Variants in SAMM50 observed in about 807,000 individuals in gnomAD.
SAMM50 encodes the protein SAMM50 sorting and assembly machinery component, also known as sorting and assembly machinery component 50 homolog.
A neutral mutation model predicts 66.9 loss-of-function variants in SAMM50; 47 were observed. That is an observed-to-expected ratio of 0.70 (90% CI 0.56 to 0.90). The LOEUF (loss-of-function observed/expected upper bound fraction) is 0.90. Among genes scored for constraint, SAMM50 ranks in the 40% least tolerant of loss-of-function variants. The probability of loss-of-function intolerance (pLI) is 0.00; values close to 1 mark genes in which losing one functional copy is unlikely to be tolerated. For synonymous variants in SAMM50, 191 were observed against 214.1 expected (o/e 0.89, Z 0.94); for missense variants, 535 against 595.3 (o/e 0.90, Z 1.05).
intron 12 of SAMM50, among the ~76,000 whole-genome samples, chr22:43,985,579 AGTTT>A (rs1446208696): frequency 2.6e-5 from 4 of 152,008 alleles, no homozygotes; most frequent in African/African-American, 7.3e-5. Flanking sequence ...GAAGTACCAC[AGTTT>A]GTTTGTCCAT....
intron 13 of SAMM50, 39 bp from the exon 14 acceptor site, chr22:43,990,226 C>T (rs1569036243): frequency 1.1e-5 from 18 of 1,610,368 alleles, no homozygotes; most frequent in Middle Eastern, 1.7e-4. Flanking sequence ...CTTGGAAGGA[C>T]GGGCACGCAC....
At position 43,989,212 on chromosome 22, in the gene SAMM50, A is replaced by G. The variant is rs1399023431; in HGVS notation, c.1177A>G (p.Thr393Ala). 6.2e-7 allele frequency: 1 copy of G among 1,614,204 alleles called. No individual in the cohort carries two copies. The highest frequency in any genetic ancestry group is 8.5e-7 in the Non-Finnish European group (1 of 1,180,028). The change falls in exon 13 of 15, where the codon ACA (threonine) becomes GCA (alanine). Residue 393 changes from threonine (T) to alanine (A), a missense_variant. Coordinates refer to ENST00000350028, the MANE Select transcript of SAMM50 (RefSeq NM_015380.5). ...GGGTGGCTTTGGAGAACTTTTCCGAACACACTTCTTTCTCAACGCAGGAAA... is the reference window on the plus strand; with the variant it reads ...GGGTGGCTTTGGAGAACTTTTCCGAGCACACTTCTTTCTCAACGCAGGAAA... ...GQGGFGELFR[T>A]HFFLNAGNLC...
intron 11 of SAMM50, 60 bp downstream of exon 11, chr22:43,981,521 GT>G: frequency 1.7e-6 from 2 of 1,202,916 alleles, no homozygotes; most frequent in South Asian, 1.2e-5. Context: ...CTTTTCAGTT[GT>G]TTTTTATAAG....
chr22:43,969,712 A>G (rs997073339), intron 4 of SAMM50, among the ~76,000 whole-genome samples: 1 of 152,174 alleles, frequency 6.6e-6, no homozygotes, highest in African/African-American at 2.4e-5. Flanking sequence ...GGGGTGAAGA[A>G]TGTTCTGGGG....
Position 43,964,571 on chromosome 22 carries a change from A to G in SAMM50, c.234+18A>G. On this transcript the variant is annotated intron_variant, in intron 3 of 14. Transcript: ENST00000350028. ...TAATTGAGGTAGGTGTGGTCTCTAC[A>G]TGGTGTGCTTTCCCAGTCTCTTCTG... is the stretch of plus-strand genomic sequence containing the variant. The G allele has an allele frequency of 2.3e-6, 3 of 1,332,494 alleles. No homozygotes were observed. The highest frequency in any genetic ancestry group is 3.2e-6 in the Non-Finnish European group (3 of 925,038). 82.5% of individuals were successfully genotyped at this position (1,332,494 alleles called of 1,614,324 possible).
rs920080976 is a variant in SAMM50, at chr22:43,983,372, G to A, written c.1008-561G>A. ...TTTATGTAATTAATTTTTAATTCACGCTTTTCATATTATTCAGATATGGTT... is the reference window on the plus strand; with the variant it reads ...TTTATGTAATTAATTTTTAATTCACACTTTTCATATTATTCAGATATGGTT... On this transcript the variant is annotated intron_variant, in intron 11 of 14. Transcript: ENST00000350028. The surrounding 1 kb of genome is among the most constrained non-coding windows in gnomAD (Gnocchi z 4.2). Among the ~76,000 whole-genome samples, 7 of 152,098 alleles carry A rather than the reference G, an allele frequency of 4.6e-5. No individual in the cohort carries two copies. Among genetic ancestry groups the A allele is most frequent in the African/African-American group, 1.4e-4 (6 of 41,402 alleles).
intron 1 of SAMM50, among the ~76,000 whole-genome samples, chr22:43,957,795 T>G (rs2050127682): frequency 2.0e-5 from 3 of 149,670 alleles, no homozygotes; most frequent in Admixed American, 2.0e-4. Flanking sequence ...AGTCTTGCTC[T>G]GTGCCCAGGC....
chr22:43,968,738 G>A lies in SAMM50; in HGVS notation c.242G>A (p.Arg81Gln), dbSNP rs1034386294. The change falls in exon 4 of 15, where the codon CGG (arginine) becomes CAG (glutamine). Residue 81 changes from arginine (R) to glutamine (Q), a missense_variant. Physicochemically the swap from Arg to Gln is conservative, Grantham distance 43. Coordinates refer to ENST00000350028, the MANE Select transcript of SAMM50 (RefSeq NM_015380.5). The stretch of plus-strand genomic sequence containing the variant: ...TCTTCCCCCATTTTATAGGTAATGC[G>A]GAAATCTCATGAAGCCCGTGAAAAA... ...FKAKNLIEVM[R>Q]KSHEAREKLL... 1.9e-6 allele frequency: 3 copies of A among 1,610,432 alleles called. No individual in the cohort carries two copies. Among genetic ancestry groups the A allele is most frequent in the Non-Finnish European group, 2.5e-6 (3 of 1,176,724 alleles).
At chr22:43,981,592 T>C (rs550591273) in intron 11 of SAMM50, 131 bp downstream of exon 11, 1 of 621,530 alleles carries the variant, frequency 1.6e-6, no homozygotes, top group East Asian at 3.1e-5. Context: ...TTAGTATTTA[T>C]GTTTAAGCTA....
chr22:43,958,213 G>A (rs139564113), intron 1 of SAMM50, among the ~76,000 whole-genome samples: 7 of 152,254 alleles, frequency 4.6e-5, no homozygotes, highest in Non-Finnish European at 7.3e-5. Flanking sequence ...GATGGGCTTC[G>A]CCTTTCCGTG....
Position 43,990,309 on chromosome 22 carries a change from C to T in SAMM50, c.1267C>T (p.Arg423Cys), listed in dbSNP as rs139551220. The T allele has an allele frequency of 2.1e-5, 34 of 1,614,048 alleles. No homozygotes were observed. In the African/African-American group the frequency reaches 2.3e-4, roughly 11 times the overall value. Residue 423 changes from arginine (R) to cysteine (C), a missense_variant, in exon 14 of 15, where the codon CGC becomes TGC. Physicochemically the swap from Arg to Cys is radical, Grantham distance 180. Coordinates refer to ENST00000350028, the MANE Select transcript of SAMM50 (RefSeq NM_015380.5). ...AHIRKLAECI[R>C]WSYGAGIVLR... is the part of the protein sequence containing the mutation. ...TATTCGTAAGCTGGCTGAGTGCATC[C>T]GCTGGTCGTACGGGGCCGGGATTGT...
intron 3 of SAMM50, among the ~76,000 whole-genome samples, chr22:43,968,508 C>T (rs866143382): frequency 6.6e-6 from 1 of 152,220 alleles, no homozygotes; most frequent in Non-Finnish European, 1.5e-5. Context: ...ATATGTTGCA[C>T]ACTCTTGATG....
At chr22:43,980,091 TCCATCCAC>T (rs1388595110) in intron 10 of SAMM50, among the ~76,000 whole-genome samples, 28 of 129,262 alleles carry the variant, frequency 2.2e-4, no homozygotes, top group Non-Finnish European at 3.4e-4. Flanking sequence ...CGTCCGTCCA[TCCATCCAC>T]CCATCCACCC....
chr22:43,961,373 A>G (rs1480683295), intron 1 of SAMM50, among the ~76,000 whole-genome samples: 1 of 152,214 alleles, frequency 6.6e-6, no homozygotes, highest in Admixed American at 6.5e-5. Flanking sequence ...GGTCAAGCAA[A>G]CATAGGAACA....
intron 13 of SAMM50, 94 bp from the exon 14 acceptor site, chr22:43,990,171 G>A: frequency 6.8e-7 from 1 of 1,479,922 alleles, no homozygotes; most frequent in Non-Finnish European, 9.3e-7. Context: ...CAACTGCAGG[G>A]CCCAGCCAGG....
chr22:43,971,556 T>C (rs539456259), intron 4 of SAMM50, among the ~76,000 whole-genome samples: 3 of 152,358 alleles, frequency 2.0e-5, no homozygotes, highest in Admixed American at 6.5e-5. Context: ...CCCATTTTCA[T>C]GTCGGTTGAA....
chr22:43,975,459 A>G (rs1280940191), intron 7 of SAMM50: 1 of 152,590 alleles, frequency 6.6e-6, no homozygotes, highest in Non-Finnish European at 1.5e-5. Flanking sequence ...CATTTCTCTG[A>G]GATAGAAATC....
intron 8 of SAMM50, 40 bp downstream of exon 8, chr22:43,976,223 T>C (rs767759932): frequency 1.9e-6 from 3 of 1,586,064 alleles, no homozygotes; most frequent in Non-Finnish European, 2.6e-6. Context: ...ATTTTGTTGA[T>C]GGAACCATGC....
intron 6 of SAMM50, 55 bp from the exon 7 acceptor site, chr22:43,973,181 G>A (rs1463995841): frequency 2.2e-6 from 3 of 1,339,366 alleles, no homozygotes; most frequent in Admixed American, 1.7e-5. Context: ...ATTTAAATGT[G>A]TGCAAGTTCT....
Sources: gnomAD v4.1 joint callset for allele counts (sites outside exome capture counted in the v4.1 genomes callset) on GRCh38, gnomAD v4.1.1 for gene constraint, Gnocchi (gnomAD v3.1) non-coding constraint, MANE v1.5 for transcripts, NCBI Gene and HGNC (gene_info 2026-07-23, HGNC 2026-07-21) for gene names.